Variants in LRPPRC observed in about 807,000 individuals in gnomAD.
The protein encoded by LRPPRC is leucine-rich PPR motif-containing protein, mitochondrial.
A neutral mutation model predicts 180.3 loss-of-function variants in LRPPRC; 120 were observed. The observed-to-expected ratio is 0.67, with a 90% CI of 0.57 to 0.77. The LOEUF (loss-of-function observed/expected upper bound fraction) is 0.77, where lower values mean the gene tolerates loss of function less well. Among genes scored for constraint, LRPPRC ranks in the 30% least tolerant of loss-of-function variants. LRPPRC has a pLI of 0.00. For missense variants in LRPPRC, 2,012 were observed against 1,657.2 expected, an observed-to-expected ratio of 1.21 and a Z score of -3.72; for synonymous variants, 723 against 600.0, an observed-to-expected ratio of 1.21 and a Z score of -3.00.
chr2:43,945,444 G>A, intron 21 of LRPPRC, 27 bp from the exon 22 acceptor site: 1 of 1,334,756 alleles, frequency 7.5e-7, no homozygotes, highest in Non-Finnish European at 1.1e-6. Flanking sequence ...CATTTATATT[G>A]TTTTAAAAGT....
intron 12 of LRPPRC, among the ~76,000 whole-genome samples, chr2:43,963,049 T>C (rs894954943): frequency 3.9e-5 from 6 of 152,240 alleles, no homozygotes; most frequent in Non-Finnish European, 7.3e-5. Context: ...TGGCATATTG[T>C]CTTTTTAATA....
At chr2:43,934,115 G>T (rs1357897149) in intron 25 of LRPPRC, 75 bp downstream of exon 25, 1 of 838,366 alleles carries the variant, frequency 1.2e-6, no homozygotes, top group East Asian at 2.6e-5. Context: ...GTAATTAAAG[G>T]TTAAAATTTT....
chr2:43,918,915 T>G (rs1313055866), intron 27 of LRPPRC, among the ~76,000 whole-genome samples: 1 of 151,290 alleles, frequency 6.6e-6, no homozygotes, highest in East Asian at 1.9e-4. Context: ...CATACATACG[T>G]GTACCGTATG....
chr2:43,969,573 A>G (rs1383606094), intron 11 of LRPPRC, among the ~76,000 whole-genome samples: 1 of 152,276 alleles, frequency 6.6e-6, no homozygotes, highest in Middle Eastern at 3.4e-3. Context: ...CTTGTTGCCA[A>G]TATAGGAATG....
At chr2:43,979,065 A>AT (rs1247770316) in intron 3 of LRPPRC, among the ~76,000 whole-genome samples, 5 of 152,080 alleles carry the variant, frequency 3.3e-5, no homozygotes, top group Admixed American at 1.3e-4. Context: ...ATACTTTAAG[A>AT]TTTTTTTAAA....
intron 23 of LRPPRC, among the ~76,000 whole-genome samples, chr2:43,942,726 C>G (rs937533833): frequency 2.6e-5 from 4 of 151,872 alleles, no homozygotes; most frequent in Non-Finnish European, 5.9e-5. Context: ...TTTTATTTTT[C>G]TCCTGGCATC....
intron 30 of LRPPRC, among the ~76,000 whole-genome samples, chr2:43,910,620 T>C (rs1671223509): frequency 6.6e-6 from 1 of 152,184 alleles, no homozygotes; most frequent in African/African-American, 2.4e-5. Flanking sequence ...ATACATCAAG[T>C]ACAATTTGTT....
intron 16 of LRPPRC, among the ~76,000 whole-genome samples, chr2:43,949,088 C>G (rs1479234510): frequency 6.6e-6 from 1 of 152,056 alleles, no homozygotes; most frequent in Non-Finnish European, 1.5e-5. Context: ...ATGTATAGGG[C>G]CATGTTACAG....
Position 43,948,368 on chromosome 2 carries a change from T to C in LRPPRC, c.1842+44A>G, listed in dbSNP as rs757886100. On this transcript the variant is annotated intron_variant, in intron 17 of 37. Transcript: ENST00000260665. The stretch of plus-strand genomic sequence containing the variant: ...AGCAATTTCAAATCTAATAGATACA[T>C]GTCAGGCAGGACAGGCATTATATAG... 3.4e-6 allele frequency: 4 copies of C among 1,179,552 alleles called. No homozygotes were observed. The South Asian group carries it at 3.6e-5, about 11-fold the overall frequency. 73.1% of individuals were successfully genotyped at this position (1,179,552 alleles called of 1,614,324 possible).
Position 43,963,640 on chromosome 2 carries a change from T to A in LRPPRC, c.1436A>T (p.Asp479Val). The A allele has an allele frequency of 6.2e-7, 1 of 1,612,866 alleles. No individual in the cohort carries two copies. Among genetic ancestry groups the A allele is most frequent in the Non-Finnish European group, 8.5e-7 (1 of 1,178,962 alleles). ...GVHPDQETYT[D>V]YVIPCFDSVN... ...ACTATCAAAGCATGGAATCACATAATCTGTATATGTTTCCTGATCAGGATG... is the reference window on the plus strand; with the variant it reads ...ACTATCAAAGCATGGAATCACATAAACTGTATATGTTTCCTGATCAGGATG... Residue 479 changes from aspartate to valine, a missense_variant, in exon 12 of 38, where the codon GAT becomes GTT. Coordinates refer to ENST00000260665, the MANE Select transcript of LRPPRC (RefSeq NM_133259.4).
chr2:43,889,664 C>G, intron 37 of LRPPRC, 70 bp downstream of exon 37: 2 of 1,233,170 alleles, frequency 1.6e-6, no homozygotes. Context: ...AACTTATTTT[C>G]TTACACATTG....
chr2:43,911,393 T>G (rs1466940959), intron 30 of LRPPRC, among the ~76,000 whole-genome samples: 2 of 152,078 alleles, frequency 1.3e-5, no homozygotes, highest in Admixed American at 1.3e-4. Flanking sequence ...ACTAGGACAC[T>G]GCCAGGTTTT....
chr2:43,905,823 C>T (rs780441435), intron 30 of LRPPRC, 43 bp from the exon 31 acceptor site: 1 of 1,156,264 alleles, frequency 8.6e-7, no homozygotes, highest in Non-Finnish European at 1.3e-6. Flanking sequence ...TGACATGCTT[C>T]TGATACGATA....
chr2:43,911,426 G>C (rs542689392), intron 30 of LRPPRC, among the ~76,000 whole-genome samples: 2 of 151,958 alleles, frequency 1.3e-5, no homozygotes, highest in South Asian at 2.1e-4. Flanking sequence ...AAGGATGGCA[G>C]GCATCCATTT....
At chr2:43,950,651 A>G (rs747909908) in intron 14 of LRPPRC, 51 bp from the exon 15 acceptor site, 3 of 1,235,174 alleles carry the variant, frequency 2.4e-6, no homozygotes, top group Admixed American at 1.7e-5. Flanking sequence ...ATTTTCAAGT[A>G]TATGCATACT....
chr2:43,934,444 T>C (rs1222142552), intron 24 of LRPPRC, 148 bp from the exon 25 acceptor site: 4 of 617,652 alleles, frequency 6.5e-6, no homozygotes, highest in Non-Finnish European at 1.1e-5. Flanking sequence ...TATCGACTAA[T>C]TAAGTACCTA....
chr2:43,937,321 A>C (rs1405187247), intron 23 of LRPPRC, among the ~76,000 whole-genome samples: 2 of 152,154 alleles, frequency 1.3e-5, no homozygotes, highest in East Asian at 3.9e-4. Flanking sequence ...TTTATAATGA[A>C]ATACCTCATA....
At position 43,928,853 on chromosome 2, in the gene LRPPRC, C is replaced by A. The variant is rs79098621; in HGVS notation, c.2737-2892G>T. ...AACAATACAGGGGTTAGAGTTTGAC[C>A]ATCTGTGCAGTCAAAAATCCACATA... On this transcript the variant is annotated intron_variant, in intron 25 of 37. Transcript: ENST00000260665. Among the ~76,000 whole-genome samples the A allele has an allele frequency of 8.5e-3, 1,290 of 152,212 alleles. 24 individuals are homozygous for A. Among genetic ancestry groups the A allele is most frequent in the African/African-American group, 0.03 (1,245 of 41,530 alleles).
At chr2:43,912,115 G>A (rs1439716584) in intron 30 of LRPPRC, among the ~76,000 whole-genome samples, 1 of 152,020 alleles carries the variant, frequency 6.6e-6, no homozygotes, top group Admixed American at 6.6e-5. Flanking sequence ...CACCACAAAA[G>A]GTACATGGAT....
Sources: allele counts gnomAD v4.1 joint callset (sites outside exome capture counted in the v4.1 genomes callset), GRCh38; gene constraint gnomAD v4.1.1; transcripts MANE v1.5; gene names NCBI Gene and HGNC (gene_info 2026-07-23, HGNC 2026-07-21).